Variants in SNAPC5 observed in about 807,000 individuals in gnomAD.
SNAPC5 encodes snRNA-activating protein complex subunit 5.
SNAPC5 carries 12 observed loss-of-function variants against 9.1 expected under a neutral mutation model. That is an observed-to-expected ratio of 1.32 (90% CI 0.85 to 2.15). The LOEUF (loss-of-function observed/expected upper bound fraction) is 2.15. SNAPC5 is among the 30% of genes most tolerant of loss of function. The probability of loss-of-function intolerance (pLI) is 0.00; values close to 1 mark genes in which losing one functional copy is unlikely to be tolerated. For missense variants in SNAPC5, 132 were observed against 114.4 expected (o/e 1.15, Z -0.70); for synonymous variants, 52 against 47.3 (o/e 1.10, Z -0.41).
downstream of SNAPC5, chr15:66,490,176 G>T (rs923104589): frequency 4.2e-5 from 22 of 519,464 alleles, no homozygotes; most frequent in Admixed American, 4.8e-4. Flanking sequence ...CATAGACGGT[G>T]TATATAGTAT....
rs2140696285 is a variant in SNAPC5, at chr15:66,493,856, A to C, written c.*580T>G. 1 of 152,342 alleles carries C rather than the reference A, an allele frequency of 6.6e-6. No individual in the cohort carries two copies. Among genetic ancestry groups the C allele is most frequent in the East Asian group, 1.9e-4 (1 of 5,182 alleles). 9.4% of individuals were successfully genotyped at this position (152,342 alleles called of 1,614,324 possible). On this transcript the variant is annotated 3_prime_UTR_variant, in exon 3 of 3. Transcript: ENST00000316634. ...AAATTTATTTATAAAACATTTTACC[A>C]GTGAGTGATGTCTCAAGTGAGAGGT...
At chr15:66,490,792 CTTA>C (rs916689128), downstream of SNAPC5, 7 of 689,786 alleles carry the variant, frequency 1.0e-5, no homozygotes, top group African/African-American at 1.2e-4. Context: ...TGTCTTTATT[CTTA>C]TTACTATTAT....
At chr15:66,489,861 T>C, downstream of SNAPC5, 1 of 1,019,392 alleles carries the variant, frequency 9.8e-7, no homozygotes, top group South Asian at 1.3e-5. Context: ...ATTCATTCCC[T>C]GCCCACTGTG....
At chr15:66,490,965 G>A (rs929950049), downstream of SNAPC5, 4 of 437,012 alleles carry the variant, frequency 9.2e-6, no homozygotes, top group African/African-American at 3.9e-5. Context: ...CTGTCTGCCT[G>A]TATTTTCGGG....
In SNAPC5 at chr15:66,494,220, C is replaced by G; in HGVS notation, c.*216G>C. 1.7e-6 allele frequency: 1 copy of G among 584,222 alleles called. No individual in the cohort carries two copies. Among genetic ancestry groups the G allele is most frequent in the East Asian group, 2.9e-5 (1 of 34,388 alleles). 36.2% of individuals were successfully genotyped at this position (584,222 alleles called of 1,614,324 possible). A position where few individuals can be genotyped will look rare whatever the true frequency, so the allele number is the denominator to read the frequency against. On this transcript the variant is annotated 3_prime_UTR_variant, in exon 3 of 3. Transcript: ENST00000316634. ...ACAGCACCACCCATATTACTCAATG[C>G]TAAGACACAGCATCTTTGATTTTCT...
At position 66,494,444 on chromosome 15, in the gene SNAPC5, C is replaced by CT. The variant is rs768544844; in HGVS notation, c.288dup (p.Asp97ArgfsTer19). ...CTGGCTTTCCCCCTCCTTTAGGAAT[C>CT]TGATTCTTCTTCCTCTTCCTCCTCC... is the stretch of plus-strand genomic sequence containing the variant. On this transcript the variant is annotated frameshift_variant, in exon 3 of 3. Transcript: ENST00000316634. LOFTEE classifies it high-confidence loss of function. 1.2e-6 allele frequency: 2 copies of CT among 1,608,940 alleles called. No homozygotes were observed. Among genetic ancestry groups the CT allele is most frequent in the Non-Finnish European group, 1.7e-6 (2 of 1,176,994 alleles).
chr15:66,495,290 CTT>C (rs1306927635), intron 2 of SNAPC5, 38 bp downstream of exon 2: 2 of 1,166,250 alleles, frequency 1.7e-6, no homozygotes, highest in South Asian at 1.2e-5. Flanking sequence ...GCAGAGCAGA[CTT>C]TGCATTCTCT....
intron 2 of SNAPC5, 92 bp from the exon 3 acceptor site, chr15:66,494,644 TG>T: frequency 1.2e-6 from 1 of 864,242 alleles, no homozygotes; most frequent in East Asian, 2.4e-5. Flanking sequence ...AGATCTCAAT[TG>T]CATATCTATC....
downstream of SNAPC5, among the ~76,000 whole-genome samples, chr15:66,493,156 A>G (rs908156067): frequency 5.3e-5 from 8 of 152,258 alleles, no homozygotes; most frequent in Middle Eastern, 3.4e-3. Flanking sequence ...TTCTTTGGGA[A>G]CTGTTACATA....
chr15:66,491,365 A>T (rs186510658), downstream of SNAPC5: 2 of 233,086 alleles, frequency 8.6e-6, no homozygotes, highest in East Asian at 1.2e-4. Context: ...ATTGATCAAG[A>T]TATTAAAATG....
At chr15:66,497,387 G>C (rs1019837757) in intron 1 of SNAPC5, 1 of 593,612 alleles carries the variant, frequency 1.7e-6, no homozygotes, top group Admixed American at 3.0e-5. Context: ...GACTGCACTT[G>C]CCAAACACAG....
downstream of SNAPC5, among the ~76,000 whole-genome samples, chr15:66,492,492 C>T (rs1473378141): frequency 1.3e-5 from 2 of 151,944 alleles, no homozygotes; most frequent in African/African-American, 4.8e-5. Context: ...TTAACTTATA[C>T]ATTTTCAACA....
chr15:66,492,114 G>T (rs575784655), downstream of SNAPC5: 3 of 453,500 alleles, frequency 6.6e-6, no homozygotes, highest in Admixed American at 2.4e-5. Context: ...TGGAAAGGAG[G>T]AATGTGCCTG....
downstream of SNAPC5, chr15:66,493,334 T>C (rs1868703080): frequency 6.6e-6 from 1 of 152,164 alleles, no homozygotes; most frequent in African/African-American, 2.4e-5. Context: ...AAAACTCTTA[T>C]TCTGTAACTG....
intron 1 of SNAPC5, among the ~76,000 whole-genome samples, chr15:66,495,730 T>G (rs1442268496): frequency 7.2e-6 from 1 of 138,356 alleles, no homozygotes; most frequent in Non-Finnish European, 1.7e-5. Flanking sequence ...TGTCATCTGA[T>G]TCCTCAGAGA....
Position 66,497,713 on chromosome 15 carries a change from C to G in SNAPC5, c.19G>C (p.Glu7Gln). The part of the protein sequence containing the change: MLSRLQ[E>Q]LRKEEETLLR... ...AGCGTCTCCTCCTCCTTGCGCAGTT[C>G]CTGAAGCCGGCTCAGCATGTTGCCT... The change falls in exon 1 of 3, where the codon GAA becomes CAA. Residue 7 changes from glutamate to glutamine, a missense_variant. Glu to Gln is a conservative substitution (Grantham distance 29). Transcript: ENST00000316634. The G allele has an allele frequency of 6.2e-7, 1 of 1,613,306 alleles. No homozygotes were observed. The highest frequency in any genetic ancestry group is 8.5e-7 in the Non-Finnish European group (1 of 1,179,894).
chr15:66,491,807 T>C, downstream of SNAPC5: 1 of 384,884 alleles, frequency 2.6e-6, no homozygotes, highest in Non-Finnish European at 5.1e-6. Flanking sequence ...TCCTGTATAT[T>C]CCTTTGATCT....
chr15:66,490,954 GCTGTCTGC>G, downstream of SNAPC5: 1 of 441,018 alleles, frequency 2.3e-6, no homozygotes, highest in South Asian at 2.3e-5. Context: ...TCCATGACTG[GCTGTCTGC>G]CTGTATTTTC....
downstream of SNAPC5, chr15:66,491,560 T>C (rs1026172266): frequency 1.6e-5 from 3 of 184,434 alleles, no homozygotes; most frequent in Non-Finnish European, 3.4e-5. Context: ...GCTTTTGTGG[T>C]AAGCTTTTCA....
Sources: allele counts gnomAD v4.1 joint callset (sites outside exome capture counted in the v4.1 genomes callset), GRCh38; gene constraint gnomAD v4.1.1; transcripts MANE v1.5; gene names NCBI Gene and HGNC (gene_info 2026-07-23, HGNC 2026-07-21).